The following ABCC1 variants were observed in gnomAD, a reference collection of about 807,000 sequenced individuals.
The protein encoded by ABCC1 is ATP binding cassette subfamily C member 1 (ABCC1 blood group), also known as multidrug resistance-associated protein 1.
A neutral mutation model predicts 172.9 loss-of-function variants in ABCC1; 83 were observed. That is an observed-to-expected ratio of 0.48 (90% CI 0.40 to 0.58). ABCC1 has a LOEUF of 0.58. Ranked by LOEUF, ABCC1 falls within the 20% of genes least tolerant of loss-of-function variation. The pLI is 0.00. For missense variants in ABCC1, 1,817 were observed against 2,002.7 expected (o/e 0.91, Z 1.77); for synonymous variants, 937 against 825.2 (o/e 1.14, Z -2.32).
chr16:16,038,564 G>A lies in ABCC1; in HGVS notation c.809+1961G>A, dbSNP rs1013911131. Among the ~76,000 whole-genome samples the A allele has an allele frequency of 3.9e-5, 6 of 152,128 alleles. No homozygotes were observed. In the South Asian group the frequency reaches 1.0e-3, roughly 26 times the overall value. The stretch of plus-strand genomic sequence containing the variant: ...TTGGGCGGTGCCACCCACATGGGGC[G>A]AGGATGGATCTTCCTTAGTCAGTCC... On this transcript the variant is annotated intron_variant, in intron 7 of 30. Transcript: ENST00000399410.
chr16:16,054,989 G>T (rs1252745451), intron 11 of ABCC1, among the ~76,000 whole-genome samples: 1 of 152,172 alleles, frequency 6.6e-6, no homozygotes, highest in Non-Finnish European at 1.5e-5. Context: ...CAGCTCTTTG[G>T]GAGCCTGAGG....
chr16:16,106,451 C>A, intron 20 of ABCC1: 1 of 233,274 alleles, frequency 4.3e-6, no homozygotes. Flanking sequence ...TTTTATATAC[C>A]AGTTGTCATG....
At chr16:15,975,401 G>T (rs534884091) in intron 1 of ABCC1, among the ~76,000 whole-genome samples, 7 of 152,206 alleles carry the variant, frequency 4.6e-5, no homozygotes, top group Non-Finnish European at 1.0e-4. Flanking sequence ...TTTCTTGCTG[G>T]AGTTATTTCC....
At chr16:16,051,964 C>G (rs1046834014) in intron 10 of ABCC1, among the ~76,000 whole-genome samples, 45 of 148,590 alleles carry the variant, frequency 3.0e-4, no homozygotes, top group East Asian at 7.8e-4. Flanking sequence ...GGTGTGATGG[C>G]TCGCGCCTGT....
chr16:16,093,796 T>C (rs1371572076), intron 19 of ABCC1, among the ~76,000 whole-genome samples: 2 of 152,078 alleles, frequency 1.3e-5, no homozygotes, highest in Middle Eastern at 3.2e-3. Context: ...ATTAATCAGC[T>C]CTTTTTTTTA....
At chr16:16,133,978 C>T (rs1235428110) in intron 27 of ABCC1, among the ~76,000 whole-genome samples, 1 of 152,154 alleles carries the variant, frequency 6.6e-6, no homozygotes, top group Non-Finnish European at 1.5e-5. Flanking sequence ...AACTCACCAT[C>T]AAAGGTGTGA....
chr16:16,126,102 C>T (rs893642464), intron 26 of ABCC1, among the ~76,000 whole-genome samples, 191 bp downstream of exon 26: 10 of 152,166 alleles, frequency 6.6e-5, no homozygotes, highest in East Asian at 1.9e-4. Context: ...AATAGTTTAC[C>T]GGCTTTACCC....
chr16:16,003,024 A>G (rs2047374451), intron 1 of ABCC1, among the ~76,000 whole-genome samples: 1 of 152,220 alleles, frequency 6.6e-6, no homozygotes, highest in African/African-American at 2.4e-5. Flanking sequence ...ACACAAATAT[A>G]TTACCTATTA....
intron 15 of ABCC1, 111 bp downstream of exon 15, chr16:16,076,512 C>G (rs995697489): frequency 3.7e-6 from 4 of 1,071,280 alleles, no homozygotes; most frequent in Non-Finnish European, 5.3e-6. Flanking sequence ...GAACAACTCA[C>G]TTTGCCTTTC....
intron 14 of ABCC1, among the ~76,000 whole-genome samples, chr16:16,073,973 C>T (rs1057268550): frequency 3.3e-5 from 5 of 152,190 alleles, no homozygotes; most frequent in Admixed American, 6.5e-5. Flanking sequence ...ACGTTTGACA[C>T]GTTTGACACA....
Position 16,068,040 on chromosome 16 carries a change from G to A in ABCC1, c.1678-116G>A, listed in dbSNP as rs912775834. The A allele has an allele frequency of 4.2e-5, 51 of 1,213,014 alleles. 2 individuals carry two copies. The South Asian group carries it at 6.4e-4, about 15-fold the overall frequency. 75.1% of individuals were successfully genotyped at this position (1,213,014 alleles called of 1,614,324 possible). ...GGTTTTTCCACGAGCTCCAGCAGCT[G>A]GTCAGTTGTGGCCACCTGGGGAGGG... is the stretch of plus-strand genomic sequence containing the variant. On this transcript the variant is annotated intron_variant, in intron 12 of 30. Transcript: ENST00000399410.
At chr16:16,132,017 T>C in intron 27 of ABCC1, 82 bp downstream of exon 27, 1 of 1,531,112 alleles carries the variant, frequency 6.5e-7, no homozygotes, top group Non-Finnish European at 8.9e-7. Context: ...AGCTGCAGCG[T>C]CTCCCCAGTC....
Position 16,102,517 on chromosome 16 carries a change from C to G in ABCC1, c.2645-110C>G, listed in dbSNP as rs528345007. On this transcript the variant is annotated intron_variant, in intron 19 of 30. Coordinates refer to ENST00000399410, the MANE Select transcript of ABCC1 (RefSeq NM_004996.4). Reference sequence around the variant, plus strand: ...GTCTCCTACTTTCTGATCATCCTGGCGGCCAGGTGCTCTGTGGTCTCCTCA... The same window carrying G: ...GTCTCCTACTTTCTGATCATCCTGGGGGCCAGGTGCTCTGTGGTCTCCTCA... 5 of 918,306 alleles carry G rather than the reference C, an allele frequency of 5.4e-6. 1 individual carries two copies. Among genetic ancestry groups the G allele is most frequent in the Non-Finnish European group, 8.5e-6 (5 of 586,252 alleles). The allele number at this position is 918,306 out of a possible 1,614,324, so 56.9% of individuals were successfully genotyped here.
In ABCC1 at chr16:15,958,435, C is replaced by T. The variant is rs540656998; in HGVS notation, c.48+8636C>T. 3.3e-5 allele frequency among the ~76,000 whole-genome samples: 5 copies of T among 152,234 alleles called. No homozygotes were observed. The South Asian group carries it at 1.0e-3, about 32-fold the overall frequency. ...TGTTGCCTTTTTAAAATTGTGCTTC[C>T]TCACACCTGGTCTGCTTCTTGCATG... is the stretch of plus-strand genomic sequence containing the variant. On this transcript the variant is annotated intron_variant, in intron 1 of 30. Coordinates refer to ENST00000399410, the MANE Select transcript of ABCC1 (RefSeq NM_004996.4).
chr16:15,983,609 G>A (rs1034934714), intron 1 of ABCC1, among the ~76,000 whole-genome samples: 1 of 147,444 alleles, frequency 6.8e-6, no homozygotes, highest in African/African-American at 2.5e-5. Context: ...AGGCTGGAGA[G>A]CAATGGCATG....
At chr16:16,023,277 A>G (rs1293176009) in intron 5 of ABCC1, among the ~76,000 whole-genome samples, 3 of 152,228 alleles carry the variant, frequency 2.0e-5, no homozygotes, top group African/African-American at 7.2e-5. Context: ...ACTTCCAAGT[A>G]AATCATTAGC....
At chr16:16,025,807 T>C (rs2048349639) in intron 5 of ABCC1, among the ~76,000 whole-genome samples, 1 of 152,166 alleles carries the variant, frequency 6.6e-6, no homozygotes, top group Admixed American at 6.5e-5. Context: ...GAATCAGGCT[T>C]TTCCTCCCTC....
intron 23 of ABCC1, among the ~76,000 whole-genome samples, chr16:16,118,044 A>G (rs1056634749): frequency 3.9e-5 from 6 of 152,230 alleles, no homozygotes; most frequent in African/African-American, 1.4e-4. Context: ...ATCGCAGGAT[A>G]GATAATGTTT....
At chr16:16,112,254 TGGG>T (rs1193745815) in intron 22 of ABCC1, among the ~76,000 whole-genome samples, 1 of 151,994 alleles carries the variant, frequency 6.6e-6, no homozygotes, top group Non-Finnish European at 1.5e-5. Flanking sequence ...CTCAGCTACT[TGGG>T]CAGCTGAGGT....
Sources: gnomAD v4.1 joint callset for allele counts (sites outside exome capture counted in the v4.1 genomes callset) on GRCh38, gnomAD v4.1.1 for gene constraint, MANE v1.5 for transcripts, NCBI Gene and HGNC (gene_info 2026-07-23, HGNC 2026-07-21) for gene names.